Variants in RORA observed in about 807,000 individuals in gnomAD.
The protein encoded by RORA is nuclear receptor ROR-alpha.
Under a neutral mutation model 69.5 loss-of-function variants are expected in RORA, and 7 were observed. The observed-to-expected ratio is 0.10, with a 90% CI of 0.06 to 0.19. The LOEUF (loss-of-function observed/expected upper bound fraction) is 0.19, where lower values mean the gene tolerates loss of function less well. Among genes scored for constraint, RORA ranks in the 10% least tolerant of loss-of-function variants. The pLI is 1.00. For synonymous variants in RORA, 261 were observed against 240.8 expected, an observed-to-expected ratio of 1.08 and a Z score of -0.78; for missense variants, 457 against 663.0, an observed-to-expected ratio of 0.69 and a Z score of 3.41.
At chr15:60,569,795 G>A (rs768922771) in intron 2 of RORA, among the ~76,000 whole-genome samples, 4 of 152,148 alleles carry the variant, frequency 2.6e-5, no homozygotes, top group East Asian at 3.8e-4. Flanking sequence ...GACAAAGAAC[G>A]TACAGAGAGC....
intron 1 of RORA, among the ~76,000 whole-genome samples, chr15:61,225,208 C>T (rs938010982): frequency 6.6e-6 from 1 of 151,952 alleles, no homozygotes; most frequent in Non-Finnish European, 1.5e-5. Flanking sequence ...AAATTAAAGT[C>T]CTTTAGTTTA....
intron 1 of RORA, among the ~76,000 whole-genome samples, chr15:61,060,480 G>A (rs568926191): frequency 1.5e-4 from 23 of 152,284 alleles, no homozygotes; most frequent in Non-Finnish European, 3.1e-4. Context: ...CAGGGTAGGG[G>A]TCGGGGGCAA....
At chr15:60,571,060 A>G (rs1279911171) in intron 2 of RORA, among the ~76,000 whole-genome samples, 1 of 151,952 alleles carries the variant, frequency 6.6e-6, no homozygotes, top group Admixed American at 6.5e-5. Flanking sequence ...TTTGCCTGCT[A>G]GTGGCTTGTC....
chr15:61,040,958 A>G (rs1249240390), intron 1 of RORA: 3 of 152,230 alleles, frequency 2.0e-5, no homozygotes. Flanking sequence ...CAGCTATCAT[A>G]TAGATTTTTC....
At chr15:61,220,935 C>T (rs1160752997) in intron 1 of RORA, among the ~76,000 whole-genome samples, 2 of 152,192 alleles carry the variant, frequency 1.3e-5, no homozygotes, top group Admixed American at 1.3e-4. Flanking sequence ...AGCCCCCACT[C>T]CCCAGCCCCA....
Position 60,494,060 on chromosome 15 carries a change from A to C in RORA, c.*3395T>G, listed in dbSNP as rs1217025297. The C allele has an allele frequency of 2.0e-5, 3 of 152,026 alleles. No individual in the cohort carries two copies. Among genetic ancestry groups the C allele is most frequent in the African/African-American group, 7.3e-5 (3 of 41,352 alleles). 9.4% of individuals were successfully genotyped at this position (152,026 alleles called of 1,614,324 possible). A position where few individuals can be genotyped will look rare whatever the true frequency, so the allele number is the denominator to read the frequency against. ...ACTGGGTATCCACACTATAAAGAAC[A>C]ACCAAACTTAGAAGCAGTGTCTTAA... is the stretch of plus-strand genomic sequence containing the variant. On this transcript the variant is annotated 3_prime_UTR_variant, in exon 11 of 11. Coordinates refer to ENST00000335670, the MANE Select transcript of RORA (RefSeq NM_134261.3).
At chr15:60,689,752 G>C (rs957198233) in intron 1 of RORA, among the ~76,000 whole-genome samples, 7 of 152,152 alleles carry the variant, frequency 4.6e-5, no homozygotes, top group African/African-American at 1.7e-4. Flanking sequence ...ACAACACATA[G>C]AGAAAAAGGC....
At chr15:61,111,865 A>G (rs1188437896) in intron 1 of RORA, among the ~76,000 whole-genome samples, 1 of 152,236 alleles carries the variant, frequency 6.6e-6, no homozygotes, top group African/African-American at 2.4e-5. Flanking sequence ...AGTTTTAAAT[A>G]TGCTCAGCAA....
At chr15:60,535,233 C>G (rs1270175773) in intron 2 of RORA, among the ~76,000 whole-genome samples, 1 of 152,236 alleles carries the variant, frequency 6.6e-6, no homozygotes, top group Non-Finnish European at 1.5e-5. Context: ...AGCCCACATA[C>G]ATATTCATCC....
intron 1 of RORA, among the ~76,000 whole-genome samples, chr15:60,777,675 G>C (rs2072191203): frequency 6.6e-6 from 1 of 152,166 alleles, no homozygotes; most frequent in South Asian, 2.1e-4. Context: ...CAGCACGGTA[G>C]GCATTTACTC....
At chr15:61,046,460 C>A (rs1373966573) in intron 1 of RORA, among the ~76,000 whole-genome samples, 1 of 152,070 alleles carries the variant, frequency 6.6e-6, no homozygotes, top group Non-Finnish European at 1.5e-5. Flanking sequence ...TGGTCGTGGG[C>A]ACATGGAACT....
chr15:61,092,543 C>T (rs1339016437), intron 1 of RORA, among the ~76,000 whole-genome samples: 1 of 152,130 alleles, frequency 6.6e-6, no homozygotes, highest in African/African-American at 2.4e-5. Context: ...CATAACACTA[C>T]ATGAAAATGA....
intron 1 of RORA, among the ~76,000 whole-genome samples, chr15:60,854,410 C>T (rs1356257754): frequency 1.3e-5 from 2 of 152,156 alleles, no homozygotes; most frequent in African/African-American, 2.4e-5. Flanking sequence ...CTCCTATCCA[C>T]TCTGAGGTAA....
intron 2 of RORA, among the ~76,000 whole-genome samples, chr15:60,626,913 A>C (rs1321519689): frequency 6.6e-6 from 1 of 152,152 alleles, no homozygotes; most frequent in East Asian, 1.9e-4. Flanking sequence ...TCTCCACCTC[A>C]AATCTCTGTG....
In RORA at chr15:60,592,450, G is replaced by T. The variant is rs756690271; in HGVS notation, c.197-60599C>A. On this transcript the variant is annotated intron_variant, in intron 2 of 10. Coordinates refer to ENST00000335670, the MANE Select transcript of RORA (RefSeq NM_134261.3). ...GCGGTGCGGAGAGCGCAGGGAGAGC[G>T]GATGGTCCGACCCCGGAGCCCCCTC... The T allele has an allele frequency of 7.1e-6, 10 of 1,408,160 alleles. No individual in the cohort carries two copies. In the Admixed American group the frequency reaches 1.3e-4, roughly 19 times the overall value. 87.2% of individuals were successfully genotyped at this position (1,408,160 alleles called of 1,614,324 possible).
intron 1 of RORA, among the ~76,000 whole-genome samples, chr15:60,728,854 T>C (rs1432815297): frequency 6.6e-6 from 1 of 152,134 alleles, no homozygotes; most frequent in Non-Finnish European, 1.5e-5. Context: ...GTGCGAAAAG[T>C]ACTATAAGAA....
intron 2 of RORA, among the ~76,000 whole-genome samples, chr15:60,583,878 G>A (rs2068259508): frequency 6.6e-6 from 1 of 152,156 alleles, no homozygotes; most frequent in South Asian, 2.1e-4. Flanking sequence ...GAAAGGGTTA[G>A]CCCCGAGCAG....
In RORA at chr15:60,866,851, T is replaced by TCTATCTATCTATCTAC. The variant is rs1236953620; in HGVS notation, c.167-188166_167-188165insGTAGATAGATAGATAG. On this transcript the variant is annotated intron_variant, in intron 1 of 10. Coordinates refer to ENST00000335670, the MANE Select transcript of RORA (RefSeq NM_134261.3). ...ATCTATCTATCTATCTATCTATCTATCTACCTACCTACCTATCTACCTATC... is the reference window on the plus strand; with the variant it reads ...ATCTATCTATCTATCTATCTATCTATCTATCTATCTATCTACCTACCTACCTACCTATCTACCTATC... Among the ~76,000 whole-genome samples the TCTATCTATCTATCTAC allele has an allele frequency of 1.6e-3, 234 of 145,674 alleles. 1 individual carries two copies. Among genetic ancestry groups the TCTATCTATCTATCTAC allele is most frequent in the Admixed American group, 3.6e-3 (54 of 14,932 alleles).
At chr15:60,734,367 T>C (rs2071471369) in intron 1 of RORA, among the ~76,000 whole-genome samples, 3 of 151,976 alleles carry the variant, frequency 2.0e-5, no homozygotes, top group Non-Finnish European at 4.4e-5. Context: ...AACTACCACA[T>C]CTGGAGCTCC....
Sources: allele counts gnomAD v4.1 joint callset (sites outside exome capture counted in the v4.1 genomes callset), GRCh38; gene constraint gnomAD v4.1.1; transcripts MANE v1.5; gene names NCBI Gene and HGNC (gene_info 2026-07-23, HGNC 2026-07-21).